Variants in UNC5D observed in about 807,000 individuals in gnomAD.
UNC5D encodes unc-5 netrin receptor D.
A neutral mutation model predicts 105.4 loss-of-function variants in UNC5D; 39 were observed. The ratio of observed to expected loss-of-function variants is 0.37; its 90% CI spans 0.29 to 0.48. The LOEUF is 0.48. UNC5D is among the 20% of genes least tolerant of loss of function. UNC5D has a pLI of 0.98. For missense variants in UNC5D, 991 were observed against 1,202.4 expected (o/e 0.82, Z 2.60); for synonymous variants, 452 against 450.4 (o/e 1.00, Z -0.04).
intron 1 of UNC5D, among the ~76,000 whole-genome samples, chr8:35,298,643 A>T (rs1287082067): frequency 7.5e-6 from 1 of 132,658 alleles, no homozygotes; most frequent in African/African-American, 2.9e-5. Context: ...CTGATAAAGT[A>T]TGTGTATGTT....
chr8:35,324,233 C>CAAA (rs569409228), intron 1 of UNC5D, among the ~76,000 whole-genome samples: 13 of 62,786 alleles, frequency 2.1e-4, no homozygotes, highest in African/African-American at 5.1e-4. Flanking sequence ...ACCCTGTCTC[C>CAAA]AAAAAAAAAA....
At chr8:35,253,689 C>T (rs1443628695) in intron 1 of UNC5D, among the ~76,000 whole-genome samples, 1 of 151,830 alleles carries the variant, frequency 6.6e-6, no homozygotes, top group Non-Finnish European at 1.5e-5. Context: ...TGGGGTTCCA[C>T]CATGTTAGCT....
At position 35,652,922 on chromosome 8, in the gene UNC5D, T is replaced by TA. The variant is rs1414591561; in HGVS notation, c.571-30625_571-30624insA. 2.2e-5 allele frequency among the ~76,000 whole-genome samples: 3 copies of TA among 138,596 alleles called. No individual in the cohort carries two copies. The East Asian group carries it at 6.0e-4, about 28-fold the overall frequency. 90.9% of individuals were successfully genotyped at this position (138,596 alleles called of 152,430 possible). ...TTTTCACTACAAGTGAGGATTTTTT[T>TA]TTTTTTTTTTTTTTTTTTTTTTGAG... On this transcript the variant is annotated intron_variant, in intron 4 of 16. Transcript: ENST00000404895.
At chr8:35,587,980 A>ATG (rs1554567971) in intron 3 of UNC5D, among the ~76,000 whole-genome samples, 3 of 141,380 alleles carry the variant, frequency 2.1e-5, no homozygotes, top group Non-Finnish European at 4.6e-5. Context: ...ATATATATAT[A>ATG]TATATATATA....
intron 1 of UNC5D, among the ~76,000 whole-genome samples, chr8:35,538,244 T>A (rs1318843698): frequency 1.3e-5 from 2 of 150,816 alleles, no homozygotes; most frequent in African/African-American, 2.4e-5. Context: ...ATGCGTGTGA[T>A]CTCCAGGTGA....
intron 7 of UNC5D, among the ~76,000 whole-genome samples, chr8:35,703,702 C>G (rs950177904): frequency 2.6e-5 from 4 of 152,182 alleles, no homozygotes; most frequent in Non-Finnish European, 4.4e-5. Flanking sequence ...GAGTTTCATT[C>G]TGCTACCCAG....
intron 1 of UNC5D, chr8:35,544,479 A>T: frequency 6.2e-7 from 1 of 1,611,174 alleles, no homozygotes; most frequent in Non-Finnish European, 8.5e-7. Context: ...GCTCTCAGTG[A>T]TGTCTGTGCT....
At chr8:35,277,773 G>A (rs79331555) in intron 1 of UNC5D, among the ~76,000 whole-genome samples, 3,665 of 152,186 alleles carry the variant, frequency 0.024, 154 homozygotes, top group African/African-American at 0.085. Flanking sequence ...TCCATCTCTT[G>A]TTGTCTTTCT....
At chr8:35,453,349 A>G (rs1808290572) in intron 1 of UNC5D, among the ~76,000 whole-genome samples, 1 of 152,120 alleles carries the variant, frequency 6.6e-6, no homozygotes, top group Non-Finnish European at 1.5e-5. Context: ...TTGTACTGTG[A>G]GGGTCTTGAA....
chr8:35,324,860 A>C (rs1226992895), intron 1 of UNC5D, among the ~76,000 whole-genome samples: 1 of 152,136 alleles, frequency 6.6e-6, no homozygotes, highest in East Asian at 1.9e-4. Context: ...AGGCAGGCTT[A>C]TTTCTCTAAG....
chr8:35,781,508 T>A (rs749547730), intron 16 of UNC5D, among the ~76,000 whole-genome samples: 1 of 152,096 alleles, frequency 6.6e-6, no homozygotes, highest in Non-Finnish European at 1.5e-5. Flanking sequence ...AAGACAGGCA[T>A]GCCAAAACCC....
intron 10 of UNC5D, 53 bp from the exon 11 acceptor site, chr8:35,730,959 T>G: frequency 3.2e-6 from 5 of 1,571,268 alleles, no homozygotes; most frequent in Non-Finnish European, 4.4e-6. Flanking sequence ...AGTGACAAAC[T>G]TCATGATAAT....
chr8:35,353,768 G>A (rs1027831021), intron 1 of UNC5D, among the ~76,000 whole-genome samples: 1 of 152,076 alleles, frequency 6.6e-6, no homozygotes, highest in Admixed American at 6.6e-5. Flanking sequence ...AGTTTAGGAC[G>A]CTGGATAATG....
At chr8:35,707,049 T>C (rs889814690) in intron 8 of UNC5D, among the ~76,000 whole-genome samples, 2 of 152,228 alleles carry the variant, frequency 1.3e-5, no homozygotes, top group African/African-American at 4.8e-5. Flanking sequence ...TCTCTCATTC[T>C]AGTATCAACT....
chr8:35,554,417 G>A (rs963278720), intron 2 of UNC5D, among the ~76,000 whole-genome samples: 1 of 152,138 alleles, frequency 6.6e-6, no homozygotes, highest in Non-Finnish European at 1.5e-5. Context: ...CATTTGTTCT[G>A]CCTCATTTCA....
chr8:35,667,706 A>T (rs1412149966), intron 4 of UNC5D, among the ~76,000 whole-genome samples: 1 of 152,232 alleles, frequency 6.6e-6, no homozygotes, highest in East Asian at 1.9e-4. Context: ...ATGTAGACAT[A>T]ATAACAGAAC....
chr8:35,727,831 C>T, intron 10 of UNC5D: 1 of 151,880 alleles, frequency 6.6e-6, no homozygotes, highest in Non-Finnish European at 1.5e-5. Context: ...ATGAGTCAAT[C>T]AGACATATTT....
intron 11 of UNC5D, among the ~76,000 whole-genome samples, chr8:35,736,894 G>T (rs1040662438): frequency 1.3e-4 from 20 of 152,176 alleles, no homozygotes; most frequent in African/African-American, 4.8e-4. Flanking sequence ...AGAATATCCA[G>T]TTTATCTGGT....
intron 1 of UNC5D, among the ~76,000 whole-genome samples, chr8:35,511,754 C>A (rs937250506): frequency 1.3e-5 from 2 of 150,720 alleles, no homozygotes; most frequent in Non-Finnish European, 3.0e-5. Flanking sequence ...AAAAAAAAAA[C>A]CCTCAAAGTT....
Sources: allele counts gnomAD v4.1 joint callset (sites outside exome capture counted in the v4.1 genomes callset), GRCh38; gene constraint gnomAD v4.1.1; transcripts MANE v1.5; gene names NCBI Gene and HGNC (gene_info 2026-07-23, HGNC 2026-07-21).